FAM234B: variants seen among roughly 807,000 people sequenced by gnomAD.
FAM234B encodes the protein protein FAM234B.
In FAM234B, 33 loss-of-function variants were observed where a neutral mutation model predicts 69.3. The ratio of observed to expected loss-of-function variants is 0.48; its 90% CI spans 0.36 to 0.64. The LOEUF (loss-of-function observed/expected upper bound fraction) is 0.64. FAM234B is among the 30% of genes least tolerant of loss of function. The probability of loss-of-function intolerance (pLI) is 0.00; values close to 1 mark genes in which losing one functional copy is unlikely to be tolerated. For missense variants in FAM234B, 697 were observed against 769.7 expected, an observed-to-expected ratio of 0.91 and a Z score of 1.12; for synonymous variants, 306 against 306.9, an observed-to-expected ratio of 1.00 and a Z score of 0.03.
At chr12:13,045,006 G>C (rs1864790463) in intron 1 of FAM234B, among the ~76,000 whole-genome samples, 1 of 152,220 alleles carries the variant, frequency 6.6e-6, no homozygotes, top group African/African-American at 2.4e-5. Flanking sequence ...TATTGGGAAA[G>C]CTCGGCCTTG....
chr12:13,047,520 T>C (rs1864825326), intron 1 of FAM234B, among the ~76,000 whole-genome samples: 1 of 152,234 alleles, frequency 6.6e-6, no homozygotes, highest in Non-Finnish European at 1.5e-5. Flanking sequence ...TTAGTATATT[T>C]CCTGAAAACG....
intron 5 of FAM234B, among the ~76,000 whole-genome samples, chr12:13,064,470 G>T (rs945963797): frequency 6.6e-6 from 1 of 152,206 alleles, no homozygotes; most frequent in Non-Finnish European, 1.5e-5. Flanking sequence ...TTATTAGCTG[G>T]TGGTGGTTGG....
chr12:13,075,449 A>C (rs867863025), intron 10 of FAM234B, among the ~76,000 whole-genome samples: 8 of 88,914 alleles, frequency 9.0e-5, no homozygotes, highest in African/African-American at 1.2e-4. Context: ...TTTTTTTTTT[A>C]TTTTTTGAGA....
chr12:13,080,143 C>A, intron 12 of FAM234B, 134 bp downstream of exon 12: 1 of 641,422 alleles, frequency 1.6e-6, no homozygotes. Context: ...TGTTTTGGAC[C>A]AACACTGTTT....
At chr12:13,074,088 A>G (rs1294102012) in intron 10 of FAM234B, among the ~76,000 whole-genome samples, 1 of 152,186 alleles carries the variant, frequency 6.6e-6, no homozygotes, top group Non-Finnish European at 1.5e-5. Flanking sequence ...TTTCAAACTG[A>G]TATCTTACCC....
intron 9 of FAM234B, among the ~76,000 whole-genome samples, chr12:13,070,416 G>A (rs1292387758): frequency 6.6e-6 from 1 of 152,010 alleles, no homozygotes; most frequent in African/African-American, 2.4e-5. Context: ...GCAGGACTCA[G>A]GAGCCTGGAA....
intron 3 of FAM234B, 77 bp from the exon 4 acceptor site, chr12:13,061,498 T>C (rs1399537244): frequency 2.1e-5 from 27 of 1,282,744 alleles, no homozygotes; most frequent in Non-Finnish European, 2.8e-5. Flanking sequence ...ACTTGCAGTT[T>C]TCTGGCCTCT....
chr12:13,056,049 G>T (rs1864927914), intron 2 of FAM234B, 103 bp downstream of exon 2: 1 of 1,236,414 alleles, frequency 8.1e-7, no homozygotes, highest in Non-Finnish European at 1.1e-6. Context: ...GTGTCATGCG[G>T]CATTCCCCAC....
intron 1 of FAM234B, among the ~76,000 whole-genome samples, chr12:13,049,157 A>G (rs1864845793): frequency 6.6e-6 from 1 of 152,206 alleles, no homozygotes; most frequent in African/African-American, 2.4e-5. Flanking sequence ...TCTACCTCAC[A>G]TAGTTGTTAT....
At chr12:13,075,610 C>CTTTTTTTTTTTTT (rs5796522) in intron 10 of FAM234B, among the ~76,000 whole-genome samples, 1 of 122,890 alleles carries the variant, frequency 8.1e-6, no homozygotes, top group African/African-American at 3.1e-5. Context: ...TTTTTTTTCT[C>CTTTTTTTTTTTTT]TTTTTTTTTT....
intron 5 of FAM234B, among the ~76,000 whole-genome samples, chr12:13,063,221 G>A (rs1489102818): frequency 6.6e-6 from 1 of 152,066 alleles, no homozygotes; most frequent in African/African-American, 2.4e-5. Context: ...GTCTGTATGC[G>A]AATTCCACCT....
chr12:13,069,948 C>T (rs1025256985), intron 9 of FAM234B, among the ~76,000 whole-genome samples: 3 of 151,856 alleles, frequency 2.0e-5, no homozygotes, highest in East Asian at 1.9e-4. Context: ...GGCAGGATAA[C>T]GGAAGAAAGG....
At chr12:13,046,859 T>G (rs1429147616) in intron 1 of FAM234B, among the ~76,000 whole-genome samples, 1 of 152,234 alleles carries the variant, frequency 6.6e-6, no homozygotes, top group African/African-American at 2.4e-5. Context: ...ACCTAATTAG[T>G]TACTTAATCT....
In FAM234B at chr12:13,055,815, A is replaced by G. The variant is rs1192386493; in HGVS notation, c.302A>G (p.Tyr101Cys). 6.2e-7 allele frequency: 1 copy of G among 1,613,940 alleles called. No individual in the cohort carries two copies. The highest frequency in any genetic ancestry group is 1.3e-5 in the African/African-American group (1 of 74,888). The part of the protein sequence containing the change: ...EQKAASSLVS[Y>C]VRTSVFLLTL... ...AAGGCGGCCTCCTCCCTGGTGTCATATGTGCGCACGTCTGTCTTCCTGCTG... is the reference window on the plus strand; with the variant it reads ...AAGGCGGCCTCCTCCCTGGTGTCATGTGTGCGCACGTCTGTCTTCCTGCTG... Residue 101 changes from tyrosine (Y) to cysteine (C), a missense_variant, in exon 2 of 13, where the codon TAT becomes TGT. By Grantham distance (194) the Tyr-to-Cys change is radical. This residue lies in a region of FAM234B where 380 missense variants were observed against 447.1 expected (regional missense o/e 0.85). Transcript: ENST00000197268.
chr12:13,068,257 A>C, intron 7 of FAM234B, 47 bp from the exon 8 acceptor site: 1 of 1,610,232 alleles, frequency 6.2e-7, no homozygotes, highest in Non-Finnish European at 8.5e-7. Flanking sequence ...TGGCTCAGAA[A>C]TCTCATCCAA....
Position 13,061,669 on chromosome 12 carries a change from C to T in FAM234B, c.627C>T (p.Ile209=), listed in dbSNP as rs748421754. The T allele has an allele frequency of 6.2e-7, 1 of 1,613,944 alleles. No individual in the cohort carries two copies. The highest frequency in any genetic ancestry group is 2.2e-5 in the East Asian group (1 of 44,876). The change falls in exon 4 of 13, where the codon ATC becomes ATT. Residue 209 remains isoleucine, a synonymous_variant. Coordinates refer to ENST00000197268, the MANE Select transcript of FAM234B (RefSeq NM_020853.2). The part of the protein sequence containing the change: ...SSLLPEEARD[I]TCLELMPGSL... The stretch of plus-strand genomic sequence containing the variant: ...TTCTCCCTGAGGAGGCTCGAGATAT[C>T]ACATGTTTGGAGCTGATGCCAGGAA...
At chr12:13,069,405 G>A (rs1865077571) in intron 9 of FAM234B, among the ~76,000 whole-genome samples, 1 of 152,072 alleles carries the variant, frequency 6.6e-6, no homozygotes, top group Non-Finnish European at 1.5e-5. Flanking sequence ...ATTGCACATT[G>A]TTCCCTGAGA....
rs1864784941 is a variant in FAM234B, at chr12:13,044,634, G to A, written c.37+194G>A. ...CAGAGGGCGAGAGGGGCGCCCAGCG[G>A]GGCAGGGGTCTCGGGCGCGGGGCGA... On this transcript the variant is annotated intron_variant, in intron 1 of 12. Transcript: ENST00000197268. This position sits in a 1 kb window ranked among gnomAD's most constrained non-coding sequence, Gnocchi z 5.6. Among the ~76,000 whole-genome samples the A allele has an allele frequency of 6.6e-6, 1 of 152,248 alleles. No homozygotes were observed. Among genetic ancestry groups the A allele is most frequent in the African/African-American group, 2.4e-5 (1 of 41,478 alleles).
chr12:13,054,909 C>T (rs1440481533), intron 1 of FAM234B, among the ~76,000 whole-genome samples: 1 of 152,226 alleles, frequency 6.6e-6, no homozygotes, highest in African/African-American at 2.4e-5. Flanking sequence ...TCCCAGAATA[C>T]TTGCTCAGAA....
Sources: gnomAD v4.1 joint callset for allele counts (sites outside exome capture counted in the v4.1 genomes callset) on GRCh38, gnomAD v4.1.1 for gene constraint, gnomAD v4.1.1 regional missense constraint, Gnocchi (gnomAD v3.1) non-coding constraint, MANE v1.5 for transcripts, NCBI Gene and HGNC (gene_info 2026-07-23, HGNC 2026-07-21) for gene names.